ETV1: variants seen among roughly 807,000 people sequenced by gnomAD.
ETV1 encodes ETS variant transcription factor 1.
Under a neutral mutation model 62.3 loss-of-function variants are expected in ETV1, and 27 were observed. The observed-to-expected ratio is 0.43, with a 90% CI of 0.32 to 0.60. The LOEUF is 0.60. Ranked by LOEUF, ETV1 falls within the 20% of genes least tolerant of loss-of-function variation. The probability of loss-of-function intolerance (pLI) is 0.06; values close to 1 mark genes in which losing one functional copy is unlikely to be tolerated. For missense variants in ETV1, 605 were observed against 605.8 expected (o/e 1.00, Z 0.01); for synonymous variants, 222 against 199.6 (o/e 1.11, Z -0.94).
intron 6 of ETV1, among the ~76,000 whole-genome samples, chr7:13,948,590 A>G (rs968395461): frequency 9.9e-5 from 15 of 152,186 alleles, no homozygotes; most frequent in African/African-American, 3.4e-4. Flanking sequence ...AAGCGTTAGT[A>G]GAACACTCTC....
At position 13,935,739 on chromosome 7, in the gene ETV1, T is replaced by C. The variant is rs1367391521; in HGVS notation, c.523A>G (p.Ile175Val). The change falls in exon 8 of 14, where the codon ATA becomes GTA. Residue 175 changes from isoleucine to valine, a missense_variant. Coordinates refer to ENST00000430479, the MANE Select transcript of ETV1 (RefSeq NM_004956.5). ...FPAHLPPSQS[I>V]PDSSYPMDHR... ...TCCATGGGGTAGCTGCTATCTGGTA[T>C]GGACTGCGATGGAGGGAGGTGAGCT... is the stretch of plus-strand genomic sequence containing the variant. The C allele has an allele frequency of 6.2e-7, 1 of 1,613,794 alleles. No homozygotes were observed. The highest frequency in any genetic ancestry group is 8.5e-7 in the Non-Finnish European group (1 of 1,179,878).
chr7:13,912,371 C>G (rs1272526636), intron 9 of ETV1, among the ~76,000 whole-genome samples: 3 of 152,148 alleles, frequency 2.0e-5, no homozygotes. Flanking sequence ...TATTTGACAT[C>G]AAATTTGAGA....
intron 6 of ETV1, among the ~76,000 whole-genome samples, chr7:13,959,922 G>A (rs539766838): frequency 2.1e-5 from 3 of 145,240 alleles, no homozygotes; most frequent in South Asian, 2.2e-4. Context: ...TCTATTCTCT[G>A]GAACCTTTTT....
At chr7:13,971,690 C>G (rs1780913467) in intron 6 of ETV1, among the ~76,000 whole-genome samples, 1 of 152,150 alleles carries the variant, frequency 6.6e-6, no homozygotes, top group South Asian at 2.1e-4. Flanking sequence ...AAGTCACTAT[C>G]ATGTGAATCA....
chr7:13,988,629 AAG>A (rs1491047363), intron 3 of ETV1: 12 of 1,534,398 alleles, frequency 7.8e-6, no homozygotes, highest in Non-Finnish European at 1.0e-5. Flanking sequence ...AGAAAAAAAA[AAG>A]AAACAAAAAC....
intron 6 of ETV1, among the ~76,000 whole-genome samples, chr7:13,965,967 C>T (rs1790732166): frequency 6.6e-6 from 1 of 152,092 alleles, no homozygotes; most frequent in Admixed American, 6.6e-5. Context: ...ACATGTGAAT[C>T]ATACACATAA....
chr7:13,912,758 A>G (rs1448614881), intron 9 of ETV1, among the ~76,000 whole-genome samples: 1 of 152,310 alleles, frequency 6.6e-6, no homozygotes, highest in East Asian at 1.9e-4. Context: ...TCCTTTATAC[A>G]GTCCAGAGAA....
rs1286852271 is a variant in ETV1 at position 13,909,657 on chromosome 7, G to T, written c.915C>A (p.Thr305=). 6.2e-7 allele frequency: 1 copy of T among 1,613,488 alleles called. No homozygotes were observed. The highest frequency in any genetic ancestry group is 1.7e-5 in the Admixed American group (1 of 59,996). ...EKGPRQFYDD[T]CVVPEKFDGD... The stretch of plus-strand genomic sequence containing the variant: ...CATCGAATTTTTCTGGGACAACACA[G>T]GTGTCATCATAAAACTGCCTGGGGC... The change falls in exon 11 of 14, where the codon ACC becomes ACA. Residue 305 remains threonine (T), a synonymous_variant. Transcript: ENST00000430479.
At chr7:13,959,711 C>A (rs1231798000) in intron 6 of ETV1, among the ~76,000 whole-genome samples, 1 of 151,792 alleles carries the variant, frequency 6.6e-6, no homozygotes, top group Non-Finnish European at 1.5e-5. Flanking sequence ...TCGTGAAACC[C>A]TGTCTCTACT....
intron 6 of ETV1, among the ~76,000 whole-genome samples, chr7:13,955,859 C>A (rs59437625): frequency 1.3e-5 from 2 of 152,110 alleles, no homozygotes; most frequent in African/African-American, 4.8e-5. Flanking sequence ...GAACACATCT[C>A]TAATTTTTCA....
intron 6 of ETV1, among the ~76,000 whole-genome samples, chr7:13,970,263 AACACAC>A (rs71033966): frequency 0.023 from 2,841 of 125,980 alleles, 55 homozygotes; most frequent in African/African-American, 0.045. Flanking sequence ...CCCATCTCAA[AACACAC>A]ACACACACAC....
In ETV1 at chr7:13,989,051, ATGC is replaced by A; in HGVS notation, c.-2_1del. Reference sequence around the variant, plus strand: ...CACTTGCTGGTCATAAAATCCATCCATGCTGCTGCTCTTCGCAAATCTCAGCTC... The same window carrying A: ...CACTTGCTGGTCATAAAATCCATCCATGCTGCTCTTCGCAAATCTCAGCTC... On this transcript the variant is annotated start_lost and start_retained_variant and 5_prime_UTR_variant, in exon 3 of 14. Coordinates refer to ENST00000430479, the MANE Select transcript of ETV1 (RefSeq NM_004956.5). 6 of 1,602,468 alleles carry A rather than the reference ATGC, an allele frequency of 3.7e-6. No homozygotes were observed. Among genetic ancestry groups the A allele is most frequent in the Non-Finnish European group, 5.1e-6 (6 of 1,174,230 alleles).
chr7:13,956,703 G>A (rs1789504658), intron 6 of ETV1, among the ~76,000 whole-genome samples: 1 of 152,182 alleles, frequency 6.6e-6, no homozygotes, highest in African/African-American at 2.4e-5. Context: ...ATCTTGGGCA[G>A]AGCATTTTGT....
chr7:13,963,024 T>C (rs1272362150), intron 6 of ETV1, among the ~76,000 whole-genome samples: 4 of 151,934 alleles, frequency 2.6e-5, no homozygotes, highest in Non-Finnish European at 4.4e-5. Context: ...ACAAGGTGAG[T>C]TTTGGTTCTG....
At chr7:13,941,940 C>T (rs1203598235) in intron 6 of ETV1, among the ~76,000 whole-genome samples, 5 of 150,798 alleles carry the variant, frequency 3.3e-5, no homozygotes, top group Non-Finnish European at 7.4e-5. Context: ...TGTATATCTG[C>T]GTGTTGTCTG....
At chr7:13,932,436 A>G (rs904172819) in intron 8 of ETV1, among the ~76,000 whole-genome samples, 4 of 152,186 alleles carry the variant, frequency 2.6e-5, no homozygotes, top group African/African-American at 9.7e-5. Flanking sequence ...AATAGATTCA[A>G]ATACAGTATC....
At chr7:13,918,046 T>C (rs902274910) in intron 9 of ETV1, among the ~76,000 whole-genome samples, 6 of 152,212 alleles carry the variant, frequency 3.9e-5, no homozygotes, top group Middle Eastern at 3.4e-3. Context: ...TCTGAAGAGA[T>C]AGTGGTTTTA....
intron 12 of ETV1, among the ~76,000 whole-genome samples, chr7:13,902,883 G>T (rs1482717878): frequency 3.9e-5 from 6 of 152,090 alleles, no homozygotes; most frequent in Admixed American, 3.9e-4. Flanking sequence ...AGCATCATGG[G>T]TATTAGTGGA....
At position 13,936,851 on chromosome 7, in the gene ETV1, A is replaced by C. The variant is rs1786860686; in HGVS notation, c.366-955T>G. 2.6e-5 allele frequency among the ~76,000 whole-genome samples: 4 copies of C among 152,006 alleles called. No individual in the cohort carries two copies. In the South Asian group the frequency reaches 8.3e-4, roughly 32 times the overall value. ...AGCACGGGAGTTTAAGACCAGCCTGAGCAACATGGTGAAACCCCGTCTCTA... is the reference window on the plus strand; with the variant it reads ...AGCACGGGAGTTTAAGACCAGCCTGCGCAACATGGTGAAACCCCGTCTCTA... On this transcript the variant is annotated intron_variant, in intron 7 of 13. Coordinates refer to ENST00000430479, the MANE Select transcript of ETV1 (RefSeq NM_004956.5).
Sources: allele counts gnomAD v4.1 joint callset (sites outside exome capture counted in the v4.1 genomes callset), GRCh38; gene constraint gnomAD v4.1.1; transcripts MANE v1.5; gene names NCBI Gene and HGNC (gene_info 2026-07-23, HGNC 2026-07-21).